TRAPPC12: variants seen among roughly 807,000 people sequenced by gnomAD.
TRAPPC12 encodes trafficking protein particle complex subunit 12.
A neutral mutation model predicts 69.2 loss-of-function variants in TRAPPC12; 61 were observed. The observed-to-expected ratio is 0.88, with a 90% CI of 0.72 to 1.09. The LOEUF is 1.09. TRAPPC12 is among the 50% of genes least tolerant of loss of function. The probability of loss-of-function intolerance (pLI) is 0.00; values close to 1 mark genes in which losing one functional copy is unlikely to be tolerated. For synonymous variants in TRAPPC12, 469 were observed against 438.9 expected (o/e 1.07, Z -0.86); for missense variants, 1,101 against 1,016.4 (o/e 1.08, Z -1.13).
At chr2:3,463,710 C>T (rs1284670000) in intron 8 of TRAPPC12, among the ~76,000 whole-genome samples, 5 of 151,888 alleles carry the variant, frequency 3.3e-5, no homozygotes, top group African/African-American at 7.3e-5. Context: ...CTGTGGTGGC[C>T]GCCTCAGCCT....
intron 6 of TRAPPC12, among the ~76,000 whole-genome samples, chr2:3,453,780 A>G (rs1413386624): frequency 6.6e-6 from 1 of 152,222 alleles, no homozygotes; most frequent in Non-Finnish European, 1.5e-5. Flanking sequence ...TTTTTTTGCA[A>G]TAACTGCATT....
chr2:3,401,813 G>A lies in TRAPPC12; in HGVS notation c.1084G>A (p.Gly362Ser). 1.3e-6 allele frequency: 2 copies of A among 1,599,414 alleles called. No individual in the cohort carries two copies. Among genetic ancestry groups the A allele is most frequent in the Non-Finnish European group, 1.7e-6 (2 of 1,174,764 alleles). The stretch of plus-strand genomic sequence containing the variant: ...TAAAGACTTGATGCTTCGCTTTCTG[G>A]GTGAAAAAGCTGCAGCAAAGAGACA... ...AVKDLMLRFLGEKAAAKRQVL... is the reference protein window; with the variant it reads ...AVKDLMLRFLSEKAAAKRQVL... The change falls in exon 3 of 12, where the codon GGT (glycine) becomes AGT (serine). Residue 362 changes from glycine to serine, a missense_variant. By Grantham distance (56) the Gly-to-Ser change is moderately conservative. Coordinates refer to ENST00000324266, the MANE Select transcript of TRAPPC12 (RefSeq NM_016030.6).
intron 1 of TRAPPC12, among the ~76,000 whole-genome samples, chr2:3,386,803 ACT>A (rs371499844): frequency 2.0e-5 from 3 of 152,172 alleles, no homozygotes; most frequent in African/African-American, 7.2e-5. Context: ...GACTTAGCTG[ACT>A]CTCAGAATGA....
intron 8 of TRAPPC12, among the ~76,000 whole-genome samples, chr2:3,461,495 T>C (rs1665498903): frequency 6.6e-6 from 1 of 152,212 alleles, no homozygotes; most frequent in South Asian, 2.1e-4. Context: ...ACTGCAAGCC[T>C]CAGCCTCCTC....
chr2:3,450,494 C>T (rs1223200256), intron 6 of TRAPPC12, among the ~76,000 whole-genome samples: 5 of 152,214 alleles, frequency 3.3e-5, no homozygotes, highest in African/African-American at 1.2e-4. Context: ...GCCCTCCAGC[C>T]TGTGTCCGCT....
chr2:3,386,480 C>T (rs1054448685), intron 1 of TRAPPC12, among the ~76,000 whole-genome samples: 1 of 152,172 alleles, frequency 6.6e-6, no homozygotes, highest in Non-Finnish European at 1.5e-5. Flanking sequence ...ATCTGCGAAA[C>T]GAAGACAGTG....
At chr2:3,460,534 CAG>C in intron 8 of TRAPPC12, 198 bp downstream of exon 8, 1 of 494,684 alleles carries the variant, frequency 2.0e-6, no homozygotes, top group Non-Finnish European at 3.6e-6. Context: ...GAAATTTCAA[CAG>C]AATGTAGAAT....
Position 3,470,253 on chromosome 2 carries a change from C to T in TRAPPC12, c.1776+4558C>T, listed in dbSNP as rs73910553. On this transcript the variant is annotated intron_variant, in intron 9 of 11. Transcript: ENST00000324266. ...AGGGAGCACAAGCAGAGCTTCTCTG[C>T]GGAGAAGGCAGATTTCCAGCTCCTA... is the stretch of plus-strand genomic sequence containing the variant. Among the ~76,000 whole-genome samples the T allele has an allele frequency of 7.0e-3, 1,071 of 152,360 alleles. 15 individuals are homozygous for T. The highest frequency in any genetic ancestry group is 0.025 in the African/African-American group (1,029 of 41,588).
intron 2 of TRAPPC12, among the ~76,000 whole-genome samples, chr2:3,398,588 A>G (rs914086935): frequency 3.3e-5 from 5 of 152,214 alleles, no homozygotes; most frequent in Admixed American, 3.3e-4. Context: ...TGGGCTTCCC[A>G]GACAGTAAGG....
At chr2:3,396,587 C>G (rs1461342649) in intron 2 of TRAPPC12, among the ~76,000 whole-genome samples, 1 of 151,866 alleles carries the variant, frequency 6.6e-6, no homozygotes, top group Non-Finnish European at 1.5e-5. Flanking sequence ...ATACCTACTG[C>G]TTCATATTGC....
intron 1 of TRAPPC12, among the ~76,000 whole-genome samples, chr2:3,383,381 A>G (rs989510791): frequency 6.6e-5 from 10 of 151,790 alleles, no homozygotes; most frequent in African/African-American, 2.2e-4. Context: ...TTTGCCTTTC[A>G]CAGTTAATTT....
chr2:3,408,169 G>A (rs1661833864), intron 3 of TRAPPC12, among the ~76,000 whole-genome samples: 2 of 152,174 alleles, frequency 1.3e-5, no homozygotes, highest in South Asian at 4.1e-4. Context: ...TGACATGTGT[G>A]GCCAAGGAAA....
At chr2:3,394,148 G>A (rs1660984435) in intron 2 of TRAPPC12, among the ~76,000 whole-genome samples, 1 of 152,214 alleles carries the variant, frequency 6.6e-6, no homozygotes, top group Non-Finnish European at 1.5e-5. Context: ...ATCTGGAAGA[G>A]GGAGAGGCTG....
intron 4 of TRAPPC12, among the ~76,000 whole-genome samples, chr2:3,422,256 G>A (rs1214480966): frequency 6.6e-6 from 1 of 152,154 alleles, no homozygotes; most frequent in Non-Finnish European, 1.5e-5. Flanking sequence ...TGGGTCAGCA[G>A]GTGGGTTCGC....
intron 5 of TRAPPC12, among the ~76,000 whole-genome samples, chr2:3,443,400 T>C (rs546393379): frequency 6.6e-6 from 1 of 152,378 alleles, no homozygotes; most frequent in Admixed American, 6.5e-5. Flanking sequence ...CTAAGCAACC[T>C]ACCATTCGAG....
chr2:3,380,879 A>T (rs562546565), intron 1 of TRAPPC12, among the ~76,000 whole-genome samples: 58 of 152,312 alleles, frequency 3.8e-4, no homozygotes, highest in Non-Finnish European at 6.0e-4. Flanking sequence ...CTTTATTCTG[A>T]TGTACCATCT....
chr2:3,450,502 G>A (rs574904278), intron 6 of TRAPPC12, among the ~76,000 whole-genome samples: 10 of 152,262 alleles, frequency 6.6e-5, no homozygotes, highest in African/African-American at 1.4e-4. Context: ...GCCTGTGTCC[G>A]CTTCGGCCTT....
intron 3 of TRAPPC12, among the ~76,000 whole-genome samples, chr2:3,417,402 T>G (rs1326370010): frequency 6.6e-6 from 1 of 152,192 alleles, no homozygotes; most frequent in Non-Finnish European, 1.5e-5. Flanking sequence ...CGTGCAGTCT[T>G]TAGACTGCCC....
At chr2:3,418,891 C>T (rs1393125572) in intron 3 of TRAPPC12, among the ~76,000 whole-genome samples, 1 of 152,194 alleles carries the variant, frequency 6.6e-6, no homozygotes, top group Admixed American at 6.5e-5. Flanking sequence ...ACCCGACCCT[C>T]CTCTGCCTCA....
Sources: allele counts gnomAD v4.1 joint callset (sites outside exome capture counted in the v4.1 genomes callset), GRCh38; gene constraint gnomAD v4.1.1; transcripts MANE v1.5; gene names NCBI Gene and HGNC (gene_info 2026-07-23, HGNC 2026-07-21).